Variants in PTGER3 observed in about 807,000 individuals in gnomAD.
PTGER3 encodes the protein prostaglandin E receptor 3.
A neutral mutation model predicts 34.7 loss-of-function variants in PTGER3; 22 were observed. The observed-to-expected ratio is 0.63, with a 90% CI of 0.45 to 0.91. The LOEUF is 0.91. Ranked by LOEUF, PTGER3 falls within the 40% of genes least tolerant of loss-of-function variation. The pLI, the probability that PTGER3 is intolerant of heterozygous loss-of-function variation, is 0.00. For missense variants in PTGER3, 468 were observed against 519.4 expected (o/e 0.90, Z 0.96); for synonymous variants, 241 against 230.1 (o/e 1.05, Z -0.43).
chr1:70,916,528 T>C (rs779122435), intron 4 of PTGER3, among the ~76,000 whole-genome samples: 1 of 151,948 alleles, frequency 6.6e-6, no homozygotes, highest in Non-Finnish European at 1.5e-5. Context: ...GATACATATA[T>C]ACCATAAGAT....
chr1:71,007,180 A>G, intron 2 of PTGER3: 1 of 985,830 alleles, frequency 1.0e-6, no homozygotes, highest in Non-Finnish European at 1.2e-6. Flanking sequence ...TGATCTTTAC[A>G]ATATGGATTA....
rs539938869 is a variant in PTGER3 at position 70,901,724 on chromosome 1, A to G, written c.*24-48865T>C. Among the ~76,000 whole-genome samples the G allele has an allele frequency of 3.9e-5, 6 of 152,318 alleles. No homozygotes were observed. In the South Asian group the frequency reaches 1.2e-3, roughly 32 times the overall value. ...AGGAAAAGCTTTTGAAAAATCATGA[A>G]GGCAACTGTGTACCTACCACATACA... On this transcript the variant is annotated intron_variant, in intron 4 of 4. Coordinates refer to the PTGER3 transcript ENST00000370931.
intron 3 of PTGER3, among the ~76,000 whole-genome samples, chr1:70,973,860 T>C (rs1344225248): frequency 6.6e-6 from 1 of 152,178 alleles, no homozygotes; most frequent in African/African-American, 2.4e-5. Context: ...AGAGTACTCA[T>C]TCATTGAAGT....
rs559704171 is a variant in PTGER3 at position 70,856,773 on chromosome 1, G to T, written c.*24-3914C>A. ...ACCCTTCACTCACTTTCTCCCAATG[G>T]TTACATCTTGTATTAACAATAGTAC... On this transcript the variant is annotated intron_variant, in intron 4 of 4. Coordinates refer to the PTGER3 transcript ENST00000370931. Among the ~76,000 whole-genome samples, 3 of 152,216 alleles carry T rather than the reference G, an allele frequency of 2.0e-5. No homozygotes were observed. In the East Asian group the frequency reaches 5.8e-4, roughly 29 times the overall value.
chr1:70,923,590 A>G (rs1165811828), intron 4 of PTGER3, among the ~76,000 whole-genome samples: 1 of 152,204 alleles, frequency 6.6e-6, no homozygotes, highest in East Asian at 1.9e-4. Flanking sequence ...TGAATATTAA[A>G]CAGAAGTTAA....
intron 2 of PTGER3, among the ~76,000 whole-genome samples, chr1:70,985,406 C>T (rs1002005182): frequency 3.3e-5 from 5 of 152,012 alleles, no homozygotes; most frequent in African/African-American, 1.2e-4. Flanking sequence ...TTGTTGGAGG[C>T]CAAAAGAGTA....
At chr1:71,039,310 C>T (rs2100984938) in intron 1 of PTGER3, among the ~76,000 whole-genome samples, 1 of 151,882 alleles carries the variant, frequency 6.6e-6, no homozygotes, top group East Asian at 1.9e-4. Context: ...GATTACAGGG[C>T]TGAGAGAATG....
intron 4 of PTGER3, among the ~76,000 whole-genome samples, chr1:70,867,599 C>A (rs775292706): frequency 1.9e-4 from 29 of 152,178 alleles, no homozygotes; most frequent in Admixed American, 1.5e-3. Context: ...GTGGCAGGCG[C>A]CTGTAGTCCC....
At chr1:70,941,986 G>A (rs920340785) in intron 4 of PTGER3, among the ~76,000 whole-genome samples, 7 of 152,076 alleles carry the variant, frequency 4.6e-5, no homozygotes, top group Non-Finnish European at 8.8e-5. Flanking sequence ...CTGTGATGAC[G>A]ACAGCTCCTA....
chr1:70,981,379 CT>C lies in PTGER3; in HGVS notation c.1078-6992del, dbSNP rs1478835008. Among the ~76,000 whole-genome samples the C allele has an allele frequency of 3.5e-4, 32 of 91,552 alleles. 1 individual carries two copies. The highest frequency in any genetic ancestry group is 5.6e-4 in the Admixed American group (4 of 7,206). 60.1% of individuals were successfully genotyped at this position (91,552 alleles called of 152,430 possible). A position where few individuals can be genotyped will look rare whatever the true frequency, so the allele number is the denominator to read the frequency against. Reference sequence around the variant, plus strand: ...TCTTTCTTTCTTTCTTTCTTTCTTTCTTTCTTTCTTTCTTTCCTTCCTTCCT... The same window carrying C: ...TCTTTCTTTCTTTCTTTCTTTCTTTCTTCTTTCTTTCTTTCCTTCCTTCCT... On this transcript the variant is annotated intron_variant, in intron 2 of 3. Transcript: ENST00000306666.
intron 2 of PTGER3, among the ~76,000 whole-genome samples, chr1:70,981,638 A>G (rs1654380766): frequency 6.6e-6 from 1 of 151,746 alleles, no homozygotes; most frequent in Non-Finnish European, 1.5e-5. Context: ...CTAACTCCTG[A>G]GCTCAAGTGA....
In PTGER3 at chr1:71,046,996, C is replaced by T. The variant is rs1444267133; in HGVS notation, c.582G>A (p.Leu194=). 6.2e-7 allele frequency: 1 copy of T among 1,611,490 alleles called. No individual in the cohort carries two copies. Among genetic ancestry groups the T allele is most frequent in the Non-Finnish European group, 8.5e-7 (1 of 1,179,168 alleles). The change falls in exon 1 of 4, where the codon CTG becomes CTA. Residue 194 remains leucine, a synonymous_variant. Coordinates refer to ENST00000306666, the MANE Select transcript of PTGER3 (RefSeq NM_198719.2). ...ACTGGACGGTGTACTGGCCCACGCC[C>T]AGCACCGGCAGCAGGGCGAAGGCGA... is the stretch of plus-strand genomic sequence containing the variant. The part of the protein sequence containing the change: ...AVLAFALLPV[L]GVGQYTVQWP...
intron 2 of PTGER3, among the ~76,000 whole-genome samples, chr1:70,959,678 A>G (rs1420037645): frequency 6.6e-6 from 1 of 151,928 alleles, no homozygotes; most frequent in Non-Finnish European, 1.5e-5. Flanking sequence ...AATTTTTTTC[A>G]TCTATGTTTT....
At chr1:71,011,707 T>C in intron 2 of PTGER3, 1 of 976,056 alleles carries the variant, frequency 1.0e-6, no homozygotes, top group Non-Finnish European at 1.2e-6. Context: ...ATGGTATCGA[T>C]GAATATTATA....
intron 1 of PTGER3, among the ~76,000 whole-genome samples, chr1:71,015,646 G>A (rs546793390): frequency 6.6e-6 from 1 of 152,314 alleles, no homozygotes; most frequent in South Asian, 2.1e-4. Context: ...GGAAAAGAGA[G>A]CTGAGTCATA....
chr1:71,030,701 C>T (rs537845392), intron 1 of PTGER3, among the ~76,000 whole-genome samples: 4 of 152,278 alleles, frequency 2.6e-5, no homozygotes, highest in Non-Finnish European at 4.4e-5. Flanking sequence ...AAACTCCTGT[C>T]ACCTTCTACG....
At chr1:70,944,238 A>C (rs1650016275) in intron 4 of PTGER3, among the ~76,000 whole-genome samples, 1 of 152,166 alleles carries the variant, frequency 6.6e-6, no homozygotes. Flanking sequence ...AAGAAGGGAC[A>C]TAGAGATATA....
intron 2 of PTGER3, among the ~76,000 whole-genome samples, chr1:70,976,081 A>T (rs914789499): frequency 3.3e-5 from 5 of 151,892 alleles, no homozygotes; most frequent in Non-Finnish European, 1.5e-5. Flanking sequence ...GAATTTCGAT[A>T]TCACATACCT....
At chr1:70,858,188 C>T (rs1572469705) in intron 4 of PTGER3, among the ~76,000 whole-genome samples, 1 of 136,230 alleles carries the variant, frequency 7.3e-6, no homozygotes, top group Non-Finnish European at 1.5e-5. Flanking sequence ...GGGATTAATA[C>T]AAAACACAGA....
Sources: gnomAD v4.1 joint callset for allele counts (sites outside exome capture counted in the v4.1 genomes callset) on GRCh38, gnomAD v4.1.1 for gene constraint, MANE v1.5 for transcripts, NCBI Gene and HGNC (gene_info 2026-07-23, HGNC 2026-07-21) for gene names.